Variants in MAN1A2 observed in about 807,000 individuals in gnomAD.
MAN1A2 encodes mannosidase alpha class 1A member 2.
MAN1A2 carries 26 observed loss-of-function variants against 75.7 expected under a neutral mutation model. That is an observed-to-expected ratio of 0.34 (90% CI 0.25 to 0.48). The LOEUF (loss-of-function observed/expected upper bound fraction) is 0.48. MAN1A2 is among the 20% of genes least tolerant of loss of function. The pLI is 0.99. For synonymous variants in MAN1A2, 247 were observed against 264.6 expected, an observed-to-expected ratio of 0.93 and a Z score of 0.65; for missense variants, 562 against 775.5, an observed-to-expected ratio of 0.72 and a Z score of 3.27.
rs75481459 is a variant in MAN1A2 at position 117,420,205 on chromosome 1, A to G, written c.775-364A>G. Among the ~76,000 whole-genome samples the G allele has an allele frequency of 7.1e-3, 1,077 of 152,182 alleles. 9 individuals are homozygous for G. Among genetic ancestry groups the G allele is most frequent in the African/African-American group, 0.025 (1,031 of 41,560 alleles). Reference sequence around the variant, plus strand: ...CTGTAGTGATTAGAACAGAAGAAAAAGGACCACCAGTAAAGAGTGCTATTC... The same window carrying G: ...CTGTAGTGATTAGAACAGAAGAAAAGGGACCACCAGTAAAGAGTGCTATTC... On this transcript the variant is annotated intron_variant, in intron 4 of 12. Transcript: ENST00000356554.
At chr1:117,486,512 C>T (rs953634527) in intron 8 of MAN1A2, among the ~76,000 whole-genome samples, 1 of 151,748 alleles carries the variant, frequency 6.6e-6, no homozygotes, top group Admixed American at 6.6e-5. Flanking sequence ...CCACTTTAGT[C>T]AAATAACTCG....
intron 1 of MAN1A2, among the ~76,000 whole-genome samples, chr1:117,379,696 T>C (rs987417854): frequency 1.3e-5 from 2 of 152,196 alleles, no homozygotes; most frequent in Non-Finnish European, 2.9e-5. Context: ...TAGATTTACA[T>C]GCTCTCCATA....
intron 10 of MAN1A2, among the ~76,000 whole-genome samples, chr1:117,498,803 C>T (rs1651110214): frequency 1.3e-5 from 2 of 151,814 alleles, no homozygotes; most frequent in Non-Finnish European, 2.9e-5. Flanking sequence ...ATATCCTCTG[C>T]TGTGTTTTCT....
At chr1:117,430,175 A>C (rs1328837989) in intron 5 of MAN1A2, among the ~76,000 whole-genome samples, 3 of 72,462 alleles carry the variant, frequency 4.1e-5, no homozygotes, top group Admixed American at 1.2e-4. Context: ...GGCGCCCCTC[A>C]CCTCCCGGAC....
intron 6 of MAN1A2, among the ~76,000 whole-genome samples, chr1:117,458,523 ATTTTTT>A (rs5777311): frequency 5.7e-5 from 6 of 105,578 alleles, no homozygotes; most frequent in Non-Finnish European, 8.0e-5. Context: ...ATATATATAT[ATTTTTT>A]TTTTTTTTTT....
At chr1:117,368,612 A>T in intron 1 of MAN1A2, 127 bp downstream of exon 1, 1 of 815,422 alleles carries the variant, frequency 1.2e-6, no homozygotes, top group South Asian at 1.8e-5. Flanking sequence ...TTGTATTGTT[A>T]CTTCAAGACT....
chr1:117,513,895 T>C (rs1024833973), intron 12 of MAN1A2, among the ~76,000 whole-genome samples: 2 of 152,192 alleles, frequency 1.3e-5, no homozygotes, highest in East Asian at 3.8e-4. Context: ...GTTTGCTAAC[T>C]TAGCTACTTT....
intron 8 of MAN1A2, among the ~76,000 whole-genome samples, chr1:117,479,557 C>G (rs1650426161): frequency 6.6e-6 from 1 of 151,954 alleles, no homozygotes. Flanking sequence ...AATTTACACT[C>G]CCACCACCAG....
chr1:117,425,455 T>C (rs971586722), intron 5 of MAN1A2, among the ~76,000 whole-genome samples: 1 of 152,182 alleles, frequency 6.6e-6, no homozygotes, highest in African/African-American at 2.4e-5. Context: ...TTCTCAACAA[T>C]GTATCACAAA....
chr1:117,383,429 G>A (rs1341237445), intron 1 of MAN1A2, among the ~76,000 whole-genome samples: 1 of 152,160 alleles, frequency 6.6e-6, no homozygotes, highest in African/African-American at 2.4e-5. Flanking sequence ...TTCTTGGAAT[G>A]TCTTTGGCTA....
At chr1:117,412,421 T>C (rs1647852385) in intron 3 of MAN1A2, among the ~76,000 whole-genome samples, 2 of 151,708 alleles carry the variant, frequency 1.3e-5, no homozygotes, top group South Asian at 4.1e-4. Flanking sequence ...CATTGTATGG[T>C]TCTTCATGGA....
intron 1 of MAN1A2, among the ~76,000 whole-genome samples, chr1:117,391,377 T>G (rs1245039657): frequency 6.6e-6 from 1 of 152,182 alleles, no homozygotes; most frequent in Non-Finnish European, 1.5e-5. Flanking sequence ...AGTTATTGAG[T>G]GAAGGATGTT....
chr1:117,427,047 C>T (rs896473394), intron 5 of MAN1A2, among the ~76,000 whole-genome samples: 1 of 152,084 alleles, frequency 6.6e-6, no homozygotes, highest in African/African-American at 2.4e-5. Flanking sequence ...AAAAAATGTG[C>T]ACTTCTCAGA....
chr1:117,475,814 G>GCAGTAAA (rs1650294871), intron 8 of MAN1A2, among the ~76,000 whole-genome samples: 1 of 152,048 alleles, frequency 6.6e-6, no homozygotes, highest in African/African-American at 2.4e-5. Flanking sequence ...GAACAGTGCT[G>GCAGTAAA]CAGTAAACAT....
intron 1 of MAN1A2, among the ~76,000 whole-genome samples, chr1:117,391,549 C>T (rs937948212): frequency 6.6e-6 from 1 of 152,148 alleles, no homozygotes; most frequent in African/African-American, 2.4e-5. Context: ...TTTATACCTG[C>T]TCTAAAAGTT....
chr1:117,524,138 T>C lies in MAN1A2; in HGVS notation c.*1181T>C, dbSNP rs1651944869. On this transcript the variant is annotated 3_prime_UTR_variant, in exon 13 of 13. Coordinates refer to ENST00000356554, the MANE Select transcript of MAN1A2 (RefSeq NM_006699.5). ...ATTTTCTCCAAGAATATTTATAGAA[T>C]TCCAAAGAATCAGAATAGTTTCAAA... 1 of 152,164 alleles carries C rather than the reference T, an allele frequency of 6.6e-6. No homozygotes were observed. The highest frequency in any genetic ancestry group is 1.5e-5 in the Non-Finnish European group (1 of 67,794). 9.4% of individuals were successfully genotyped at this position (152,164 alleles called of 1,614,324 possible). A position where few individuals can be genotyped will look rare whatever the true frequency, so the allele number is the denominator to read the frequency against.
chr1:117,471,099 T>C (rs1359260953), intron 8 of MAN1A2, among the ~76,000 whole-genome samples: 1 of 151,748 alleles, frequency 6.6e-6, no homozygotes, highest in African/African-American at 2.4e-5. Flanking sequence ...ATGATTAAAG[T>C]GAAGAAAATA....
intron 8 of MAN1A2, among the ~76,000 whole-genome samples, chr1:117,469,477 T>C (rs1466413408): frequency 1.3e-5 from 2 of 152,018 alleles, no homozygotes; most frequent in Non-Finnish European, 2.9e-5. Context: ...TGATTAAAAT[T>C]GAAAATTTTT....
chr1:117,411,826 A>G (rs1413882491), intron 3 of MAN1A2, among the ~76,000 whole-genome samples: 5 of 151,796 alleles, frequency 3.3e-5, no homozygotes, highest in Non-Finnish European at 7.4e-5. Flanking sequence ...AACAATACCA[A>G]ATATTGACAA....
Sources: allele counts gnomAD v4.1 joint callset (sites outside exome capture counted in the v4.1 genomes callset), GRCh38; gene constraint gnomAD v4.1.1; transcripts MANE v1.5; gene names NCBI Gene and HGNC (gene_info 2026-07-23, HGNC 2026-07-21).